PIK3R4: variants seen among roughly 807,000 people sequenced by gnomAD.
PIK3R4 encodes the protein phosphoinositide-3-kinase regulatory subunit 4.
A neutral mutation model predicts 136.5 loss-of-function variants in PIK3R4; 46 were observed. The observed-to-expected ratio is 0.34, with a 90% CI of 0.27 to 0.43. The LOEUF (loss-of-function observed/expected upper bound fraction) is 0.43, where lower values mean the gene tolerates loss of function less well. PIK3R4 is among the 20% of genes least tolerant of loss of function. The probability of loss-of-function intolerance (pLI) is 1.00; values close to 1 mark genes in which losing one functional copy is unlikely to be tolerated. For missense variants in PIK3R4, 1,331 were observed against 1,649.5 expected, an observed-to-expected ratio of 0.81 and a Z score of 3.35; for synonymous variants, 557 against 566.7, an observed-to-expected ratio of 0.98 and a Z score of 0.24.
intron 3 of PIK3R4, among the ~76,000 whole-genome samples, chr3:130,735,564 G>C (rs1450975296): frequency 6.6e-6 from 1 of 152,092 alleles, no homozygotes; most frequent in African/African-American, 2.4e-5. Context: ...CTCTAGCCAG[G>C]ACAACCTCTC....
intron 13 of PIK3R4, among the ~76,000 whole-genome samples, chr3:130,700,641 G>T (rs966513475): frequency 6.6e-6 from 1 of 152,176 alleles, no homozygotes; most frequent in African/African-American, 2.4e-5. Flanking sequence ...ATCAGGACTG[G>T]GAACTGAATG....
At chr3:130,679,583 T>C in intron 19 of PIK3R4, 98 bp from the exon 20 acceptor site, 1 of 804,386 alleles carries the variant, frequency 1.2e-6, no homozygotes, top group Non-Finnish European at 2.0e-6. Flanking sequence ...TGTTGTTGTA[T>C]TTAAGTTAAC....
chr3:130,723,609 AT>A lies in PIK3R4; in HGVS notation c.1808-23del, dbSNP rs2066715967. On this transcript the variant is annotated intron_variant, in intron 6 of 19. Transcript: ENST00000356763. ...ACACCTGGAAATGAAAAGCAATATT[AT>A]GTGATTATTCAATACCTAAAAGTAC... 4 of 1,603,774 alleles carry A rather than the reference AT, an allele frequency of 2.5e-6. No homozygotes were observed. The East Asian group carries it at 8.9e-5, about 36-fold the overall frequency.
intron 19 of PIK3R4, among the ~76,000 whole-genome samples, chr3:130,680,322 TACTTA>T (rs1482144322): frequency 6.6e-6 from 1 of 152,200 alleles, no homozygotes; most frequent in Non-Finnish European, 1.5e-5. Context: ...TTGAACAAGT[TACTTA>T]ACTTCACTGT....
At position 130,730,434 on chromosome 3, in the gene PIK3R4, C is replaced by T. The variant is rs2066755211; in HGVS notation, c.1459G>A (p.Ala487Thr). ...CTCAGAGCTGTTTCTGCCAGCAGAG[C>T]TATGTTTTCTATAAAATAAAAAGGA... ...IVRLAYAENI[A>T]LLAETALRFL... Residue 487 changes from alanine (A) to threonine (T), a missense_variant, in exon 5 of 20, where the codon GCT (alanine) becomes ACT (threonine). Physicochemically the swap from Ala to Thr is moderately conservative, Grantham distance 58. Around this residue, in one of 2 missense-constraint regions of PIK3R4, gnomAD observed 1,180 missense variants for 1,407.0 expected, o/e 0.84. Coordinates refer to ENST00000356763, the MANE Select transcript of PIK3R4 (RefSeq NM_014602.3). 6.4e-7 allele frequency: 1 copy of T among 1,563,642 alleles called. No individual in the cohort carries two copies. The highest frequency in any genetic ancestry group is 8.6e-7 in the Non-Finnish European group (1 of 1,162,416).
chr3:130,728,389 A>G (rs924734383), intron 6 of PIK3R4, 74 bp downstream of exon 6: 1 of 853,670 alleles, frequency 1.2e-6, no homozygotes. Flanking sequence ...AGTATCATCT[A>G]TCCTTCAGAT....
At chr3:130,717,200 A>AG (rs2066669608) in intron 8 of PIK3R4, among the ~76,000 whole-genome samples, 1 of 151,926 alleles carries the variant, frequency 6.6e-6, no homozygotes. Context: ...AAGAACCAAG[A>AG]GGACTTCCTT....
At chr3:130,694,363 G>A (rs1318008748) in intron 13 of PIK3R4, among the ~76,000 whole-genome samples, 2 of 151,102 alleles carry the variant, frequency 1.3e-5, no homozygotes, top group Admixed American at 6.6e-5. Flanking sequence ...TCTGTACATC[G>A]AGAGATCTGC....
At chr3:130,726,011 T>C (rs761745024) in intron 6 of PIK3R4, 15 of 152,226 alleles carry the variant, frequency 9.9e-5, no homozygotes, top group Non-Finnish European at 2.2e-4. Flanking sequence ...CTTATAAATG[T>C]GTCATGAGTT....
intron 4 of PIK3R4, among the ~76,000 whole-genome samples, chr3:130,732,900 T>A (rs2066766549): frequency 6.6e-6 from 1 of 151,802 alleles, no homozygotes; most frequent in East Asian, 1.9e-4. Flanking sequence ...AAATTATATA[T>A]ATTCAGTGAT....
At chr3:130,739,030 G>A (rs1202094862) in intron 2 of PIK3R4, among the ~76,000 whole-genome samples, 2 of 152,114 alleles carry the variant, frequency 1.3e-5, no homozygotes, top group Non-Finnish European at 2.9e-5. Context: ...GCGATAAACC[G>A]TGGTAATGGG....
intron 7 of PIK3R4, among the ~76,000 whole-genome samples, chr3:130,722,155 T>C (rs1224777458): frequency 6.9e-6 from 1 of 145,202 alleles, no homozygotes; most frequent in Non-Finnish European, 1.5e-5. Context: ...ACTAAAATTG[T>C]TTTTTACTTT....
chr3:130,740,877 G>A (rs984838131), intron 2 of PIK3R4, among the ~76,000 whole-genome samples: 17 of 152,112 alleles, frequency 1.1e-4, no homozygotes, highest in Admixed American at 2.0e-4. Context: ...AGCAACCAGG[G>A]CAAAATGTTA....
intron 13 of PIK3R4, among the ~76,000 whole-genome samples, chr3:130,699,456 C>G (rs1227157418): frequency 3.3e-5 from 5 of 152,146 alleles, no homozygotes; most frequent in Non-Finnish European, 7.4e-5. Flanking sequence ...GTTTTCATAA[C>G]TACCATAGTT....
chr3:130,680,871 T>G (rs1340274274), intron 18 of PIK3R4, 106 bp downstream of exon 18: 4 of 757,044 alleles, frequency 5.3e-6, no homozygotes, highest in Non-Finnish European at 8.8e-6. Context: ...AAATAAAGTA[T>G]TAACAGCTGT....
Position 130,744,841 on chromosome 3 carries a change from G to A in PIK3R4, c.378C>T (p.Arg126=). 6.2e-7 allele frequency: 1 copy of A among 1,614,194 alleles called. No individual in the cohort carries two copies. The highest frequency in any genetic ancestry group is 8.5e-7 in the Non-Finnish European group (1 of 1,180,038). Residue 126 remains arginine (R), a synonymous_variant, in exon 2 of 20, where the codon CGC becomes CGT. Transcript: ENST00000356763. ...CTGTCAGGATCTGGAAAGCAATCCA[G>A]CGCTTCTCAATGTTATTCAAGAATG... ...TRPFLNNIEK[R]WIAFQILTAV...
At chr3:130,723,061 G>A (rs1440107566) in intron 7 of PIK3R4, among the ~76,000 whole-genome samples, 79 of 10,076 alleles carry the variant, frequency 7.8e-3, no homozygotes, top group Non-Finnish European at 8.9e-3. Flanking sequence ...AGAGACTGTC[G>A]CAAAAAAAAA....
At chr3:130,723,062 C>CAAAAAAAA (rs61129038) in intron 7 of PIK3R4, among the ~76,000 whole-genome samples, 4 of 19,500 alleles carry the variant, frequency 2.1e-4, no homozygotes, top group Admixed American at 8.8e-4. Flanking sequence ...GAGACTGTCG[C>CAAAAAAAA]AAAAAAAAAA....
At chr3:130,730,263 A>C in intron 5 of PIK3R4, 45 bp downstream of exon 5, 3 of 1,491,648 alleles carry the variant, frequency 2.0e-6, no homozygotes, top group Non-Finnish European at 2.8e-6. Context: ...AGCATCAGCA[A>C]TTCATTCTAA....
Sources: gnomAD v4.1 joint callset for allele counts (sites outside exome capture counted in the v4.1 genomes callset) on GRCh38, gnomAD v4.1.1 for gene constraint, gnomAD v4.1.1 regional missense constraint, MANE v1.5 for transcripts, NCBI Gene and HGNC (gene_info 2026-07-23, HGNC 2026-07-21) for gene names.